Variants in PAPPA2 observed in about 807,000 individuals in gnomAD.
PAPPA2 encodes the protein pappalysin-2.
PAPPA2 carries 86 observed loss-of-function variants against 176.4 expected under a neutral mutation model. The observed-to-expected ratio is 0.49, with a 90% confidence interval of 0.41 to 0.58. The LOEUF is 0.58. Among genes scored for constraint, PAPPA2 ranks in the 20% least tolerant of loss-of-function variants. The pLI, the probability that PAPPA2 is intolerant of heterozygous loss-of-function variation, is 0.00. For missense variants in PAPPA2, 2,073 were observed against 2,256.9 expected, an observed-to-expected ratio of 0.92 and a Z score of 1.65; for synonymous variants, 809 against 852.2, an observed-to-expected ratio of 0.95 and a Z score of 0.88.
intron 17 of PAPPA2, among the ~76,000 whole-genome samples, chr1:176,776,038 C>CAA (rs1307236908): frequency 6.6e-6 from 1 of 152,136 alleles, no homozygotes. Flanking sequence ...TCTTTTAAGA[C>CAA]CCTTTCTTTT....
chr1:176,647,830 T>G (rs1235504094), intron 3 of PAPPA2, among the ~76,000 whole-genome samples: 2 of 151,672 alleles, frequency 1.3e-5, no homozygotes, highest in African/African-American at 4.8e-5. Context: ...TAACATGCCA[T>G]TTTGGCTGCT....
chr1:176,767,712 G>A (rs543629236), intron 15 of PAPPA2, among the ~76,000 whole-genome samples: 1 of 152,304 alleles, frequency 6.6e-6, no homozygotes, highest in African/African-American at 2.4e-5. Context: ...GCTGTGTTAA[G>A]CATGGGTATC....
At chr1:176,467,710 A>G (rs1651690648) in intron 1 of PAPPA2, among the ~76,000 whole-genome samples, 1 of 152,210 alleles carries the variant, frequency 6.6e-6, no homozygotes, top group Non-Finnish European at 1.5e-5. Context: ...CCTATCTGTC[A>G]GTTTATAAGG....
At chr1:176,807,828 G>T (rs941942602) in intron 21 of PAPPA2, among the ~76,000 whole-genome samples, 1 of 152,086 alleles carries the variant, frequency 6.6e-6, no homozygotes, top group Non-Finnish European at 1.5e-5. Flanking sequence ...AAAAGTTTTA[G>T]AACAAATTTC....
intron 12 of PAPPA2, 113 bp downstream of exon 12, chr1:176,712,094 CTTT>C (rs2102836210): frequency 7.7e-7 from 1 of 1,297,494 alleles, no homozygotes; most frequent in East Asian, 2.5e-5. Context: ...AGAAAATTTT[CTTT>C]TGTTATCTCA....
At chr1:176,491,629 T>C (rs1647296443) in intron 1 of PAPPA2, among the ~76,000 whole-genome samples, 1 of 152,186 alleles carries the variant, frequency 6.6e-6, no homozygotes, top group African/African-American at 2.4e-5. Flanking sequence ...GATGTATACA[T>C]GAGAAAAATA....
At chr1:176,661,472 A>G (rs968378886) in intron 3 of PAPPA2, among the ~76,000 whole-genome samples, 2 of 151,216 alleles carry the variant, frequency 1.3e-5, no homozygotes, top group East Asian at 1.9e-4. Flanking sequence ...TTTCAGGGAC[A>G]TGCTGCCCAG....
intron 1 of PAPPA2, among the ~76,000 whole-genome samples, chr1:176,483,399 G>C (rs1352944543): frequency 6.6e-6 from 1 of 150,782 alleles, no homozygotes; most frequent in Non-Finnish European, 1.5e-5. Flanking sequence ...CTACTACTAG[G>C]GCCTAGGGAA....
chr1:176,496,726 C>T (rs1361683013), intron 1 of PAPPA2, among the ~76,000 whole-genome samples: 1 of 152,126 alleles, frequency 6.6e-6, no homozygotes, highest in Non-Finnish European at 1.5e-5. Context: ...AATTTGACTG[C>T]TTCACATGAA....
chr1:176,796,839 G>GACCCCCTCTCTCTCTCCC (rs1665464976), intron 20 of PAPPA2, among the ~76,000 whole-genome samples: 1 of 129,476 alleles, frequency 7.7e-6, no homozygotes, highest in South Asian at 2.4e-4. Context: ...TTCTCTTTCT[G>GACCCCCTCTCTCTCTCCC]ACCCCCTCTC....
chr1:176,570,957 C>T (rs1242205905), intron 2 of PAPPA2, among the ~76,000 whole-genome samples: 4 of 152,130 alleles, frequency 2.6e-5, no homozygotes, highest in Admixed American at 2.6e-4. Flanking sequence ...CCACACTGTT[C>T]TCCCTTCCTG....
Position 176,599,713 on chromosome 1 carries a change from G to A in PAPPA2, c.1991+4118G>A, listed in dbSNP as rs569081916. On this transcript the variant is annotated intron_variant, in intron 3 of 22. Coordinates refer to ENST00000367662, the MANE Select transcript of PAPPA2 (RefSeq NM_020318.3). The stretch of plus-strand genomic sequence containing the variant: ...TTTGTGTGTTATATCCGATGCATCT[G>A]AAGTCAACTTTTCTTTTTTTATTAT... Among the ~76,000 whole-genome samples the A allele has an allele frequency of 3.3e-5, 5 of 151,774 alleles. No homozygotes were observed. In the South Asian group the frequency reaches 1.0e-3, roughly 31 times the overall value.
At chr1:176,472,663 G>GAT (rs1651937118) in intron 1 of PAPPA2, among the ~76,000 whole-genome samples, 1 of 152,012 alleles carries the variant, frequency 6.6e-6, no homozygotes, top group African/African-American at 2.4e-5. Flanking sequence ...TATATTTTTA[G>GAT]ATAAAAAATA....
chr1:176,524,411 G>T (rs1649370111), intron 1 of PAPPA2, among the ~76,000 whole-genome samples: 1 of 152,080 alleles, frequency 6.6e-6, no homozygotes, highest in Non-Finnish European at 1.5e-5. Flanking sequence ...ACATTTTAAT[G>T]AATTTTTTTC....
chr1:176,647,891 G>A (rs926093338), intron 3 of PAPPA2, among the ~76,000 whole-genome samples: 2 of 151,558 alleles, frequency 1.3e-5, no homozygotes, highest in Admixed American at 6.6e-5. Context: ...CTCCAGCTTT[G>A]TTCCTTTTGC....
At chr1:176,641,981 T>C (rs1380895530) in intron 3 of PAPPA2, among the ~76,000 whole-genome samples, 1 of 151,910 alleles carries the variant, frequency 6.6e-6, no homozygotes, top group Non-Finnish European at 1.5e-5. Context: ...GACTCCATAA[T>C]CCAGTTACTA....
chr1:176,538,745 C>A (rs112775533), intron 1 of PAPPA2, among the ~76,000 whole-genome samples: 1 of 152,170 alleles, frequency 6.6e-6, no homozygotes, highest in Non-Finnish European at 1.5e-5. Flanking sequence ...TGCCTCATCA[C>A]TAGACAATAT....
chr1:176,596,542 G>C (rs185091095), intron 3 of PAPPA2, among the ~76,000 whole-genome samples: 1 of 152,218 alleles, frequency 6.6e-6, no homozygotes, highest in East Asian at 1.9e-4. Flanking sequence ...ATCAATTACT[G>C]TTACATCAAC....
At chr1:176,717,834 A>C (rs1341286970) in intron 12 of PAPPA2, among the ~76,000 whole-genome samples, 1 of 152,370 alleles carries the variant, frequency 6.6e-6, no homozygotes, top group Non-Finnish European at 1.5e-5. Context: ...CCAACAGCCA[A>C]TCACAGAGCT....
Sources: allele counts gnomAD v4.1 joint callset (sites outside exome capture counted in the v4.1 genomes callset), GRCh38; gene constraint gnomAD v4.1.1; transcripts MANE v1.5; gene names NCBI Gene and HGNC (gene_info 2026-07-23, HGNC 2026-07-21).